RYR1: variants seen among roughly 807,000 people sequenced by gnomAD.
The protein encoded by RYR1 is central core disease of muscle.
Under a neutral mutation model 583.5 loss-of-function variants are expected in RYR1, and 342 were observed. The ratio of observed to expected loss-of-function variants is 0.59; its 90% CI spans 0.54 to 0.64. RYR1 has a LOEUF of 0.64. Among genes scored for constraint, RYR1 ranks in the 30% least tolerant of loss-of-function variants. The pLI, the probability that RYR1 is intolerant of heterozygous loss-of-function variation, is 0.00. For missense variants in RYR1, 6,032 were observed against 6,917.2 expected, an observed-to-expected ratio of 0.87 and a Z score of 4.54; for synonymous variants, 2,791 against 2,822.5, an observed-to-expected ratio of 0.99 and a Z score of 0.35.
chr19:38,487,762 T>C (rs996246440), intron 34 of RYR1, among the ~76,000 whole-genome samples: 17 of 152,114 alleles, frequency 1.1e-4, no homozygotes, highest in Non-Finnish European at 4.4e-5. Context: ...GCCTCCTGAA[T>C]AGCTGGGACT....
At chr19:38,535,028 G>C in intron 79 of RYR1, 113 bp from the exon 80 acceptor site, 1 of 1,160,068 alleles carries the variant, frequency 8.6e-7, no homozygotes, top group South Asian at 1.3e-5. Context: ...TGCACACCTT[G>C]GCACACTCTT....
chr19:38,557,998 C>A (rs2960322), intron 89 of RYR1, among the ~76,000 whole-genome samples: 38,137 of 151,540 alleles, frequency 0.25, 5,652 homozygotes, highest in African/African-American at 0.39. Flanking sequence ...TAAAATAATA[C>A]AATAAAATAT....
chr19:38,563,668 C>A (rs1433259501), intron 90 of RYR1, among the ~76,000 whole-genome samples: 1 of 152,160 alleles, frequency 6.6e-6, no homozygotes, highest in South Asian at 2.1e-4. Flanking sequence ...CCTATTATGC[C>A]CATTTTACAG....
chr19:38,478,135 T>C lies in RYR1; in HGVS notation c.4454+265T>C, dbSNP rs80306848. 0.092 allele frequency among the ~76,000 whole-genome samples: 14,020 copies of C among 152,032 alleles called. 799 individuals are homozygous for C. Among genetic ancestry groups the C allele is most frequent in the South Asian group, 0.2 (958 of 4,816 alleles). On this transcript the variant is annotated intron_variant, in intron 30 of 105. Coordinates refer to ENST00000359596, the MANE Select transcript of RYR1 (RefSeq NM_000540.3). ...CATTTTCTCCTTTTCCTTCTCATCC[T>C]GTTTCATCTCACCCTTCTCCTTCTC...
At chr19:38,448,207 G>A (rs1966888549) in intron 9 of RYR1, 148 bp from the exon 10 acceptor site, 2 of 877,146 alleles carry the variant, frequency 2.3e-6, no homozygotes, top group Non-Finnish European at 3.5e-6. Context: ...CGAGGTGGGA[G>A]GATTGCTTGA....
At position 38,561,393 on chromosome 19, in the gene RYR1, G is replaced by A. The variant is rs749890987; in HGVS notation, c.12563G>A (p.Arg4188His). The change falls in exon 90 of 106, where the codon CGC becomes CAC. Residue 4188 changes from arginine to histidine, a missense_variant. Transcript: ENST00000359596. The surrounding 1 kb of genome is among the most constrained non-coding windows in gnomAD (Gnocchi z 4.8). ...ATCGAGATCATGGGCGCGTCACGCCGCATCGAGCGCATCTACTTCGAGATC... is the reference window on the plus strand; with the variant it reads ...ATCGAGATCATGGGCGCGTCACGCCACATCGAGCGCATCTACTTCGAGATC... ...GRIEIMGASR[R>H]IERIYFEISE... 7 of 1,612,830 alleles carry A rather than the reference G, an allele frequency of 4.3e-6. No individual in the cohort carries two copies. In the Admixed American group the frequency reaches 8.3e-5, roughly 19 times the overall value.
intron 37 of RYR1, among the ~76,000 whole-genome samples, 155 bp from the exon 38 acceptor site, chr19:38,492,335 A>C (rs1969584942): frequency 6.8e-6 from 1 of 147,826 alleles, no homozygotes; most frequent in South Asian, 2.1e-4. Context: ...ACTGCTCTCC[A>C]CTGCAACAGA....
At chr19:38,487,785 T>C (rs771164284) in intron 34 of RYR1, among the ~76,000 whole-genome samples, 1 of 152,094 alleles carries the variant, frequency 6.6e-6, no homozygotes, top group Non-Finnish European at 1.5e-5. Flanking sequence ...AGGTGTGCAC[T>C]ACCATGCCCA....
Position 38,502,617 on chromosome 19 carries a change from C to T in RYR1, c.7725C>T (p.Arg2575=), listed in dbSNP as rs1020398192. 5.0e-6 allele frequency: 8 copies of T among 1,613,120 alleles called. No homozygotes were observed. Among genetic ancestry groups the T allele is most frequent in the South Asian group, 1.1e-5 (1 of 91,032 alleles). ...CAPLFAGTEH[R]AIMVDSMLHT... is the part of the protein sequence containing the mutation. The stretch of plus-strand genomic sequence containing the variant: ...CGCTCTTTGCGGGCACAGAACACCG[C>T]GCCATCATGGTGGACTCTATGCTGC... The change falls in exon 48 of 106, where the codon CGC becomes CGT. Residue 2575 remains arginine (R), a synonymous_variant. Transcript: ENST00000359596.
Position 38,516,123 on chromosome 19 carries a change from GGCA to G in RYR1, c.9597_9599del (p.Ala3200del). ...CCCTCGGGGAGTGCCTGGCCCGTCTGGCAGCAGCCATGCCGGTGGCGTTCCTGG... is the reference window on the plus strand; with the variant it reads ...CCCTCGGGGAGTGCCTGGCCCGTCTGGCAGCCATGCCGGTGGCGTTCCTGG... On this transcript the variant is annotated inframe_deletion, in exon 65 of 106. Coordinates refer to ENST00000359596, the MANE Select transcript of RYR1 (RefSeq NM_000540.3). The G allele has an allele frequency of 6.5e-7, 1 of 1,550,324 alleles. No individual in the cohort carries two copies. The highest frequency in any genetic ancestry group is 8.7e-7 in the Non-Finnish European group (1 of 1,147,220).
At chr19:38,475,689 T>G (rs1157644942) in intron 29 of RYR1, among the ~76,000 whole-genome samples, 1 of 152,182 alleles carries the variant, frequency 6.6e-6, no homozygotes, top group Non-Finnish European at 1.5e-5. Context: ...CACACTGATA[T>G]AACTCCTGGG....
At chr19:38,446,856 T>C in intron 9 of RYR1, 88 bp downstream of exon 9, 1 of 1,047,614 alleles carries the variant, frequency 9.5e-7, no homozygotes, top group South Asian at 1.4e-5. Context: ...AGGGAAGATC[T>C]GATAAAGAGA....
At position 38,537,076 on chromosome 19, in the gene RYR1, G is replaced by A. The variant is rs943688344; in HGVS notation, c.11608+309G>A. On this transcript the variant is annotated intron_variant, in intron 83 of 105. Coordinates refer to ENST00000359596, the MANE Select transcript of RYR1 (RefSeq NM_000540.3). ...GATCTCTTTCCAGCTGGATATTGTC[G>A]GACTTCCAGACCCAGATTCGCAGTC... 4.5e-5 allele frequency: 23 copies of A among 508,980 alleles called. No homozygotes were observed. The Middle Eastern group carries it at 2.2e-3, about 48-fold the overall frequency. 31.5% of individuals were successfully genotyped at this position (508,980 alleles called of 1,614,324 possible). A position where few individuals can be genotyped will look rare whatever the true frequency, so the allele number is the denominator to read the frequency against.
intron 78 of RYR1, among the ~76,000 whole-genome samples, chr19:38,533,138 C>T (rs556156457): frequency 2.0e-4 from 30 of 152,016 alleles, no homozygotes; most frequent in Non-Finnish European, 3.4e-4. Context: ...GAGGGCTTCT[C>T]GGAGGAGGGG....
intron 38 of RYR1, among the ~76,000 whole-genome samples, 179 bp downstream of exon 38, chr19:38,492,815 T>A (rs1969618131): frequency 6.6e-6 from 1 of 151,796 alleles, no homozygotes; most frequent in Non-Finnish European, 1.5e-5. Context: ...ACGCCTGTAA[T>A]CCCAGCACTT....
intron 73 of RYR1, 123 bp from the exon 74 acceptor site, chr19:38,528,183 T>G: frequency 1.2e-6 from 1 of 816,888 alleles, no homozygotes; most frequent in Non-Finnish European, 2.1e-6. Flanking sequence ...GACAAGGTTT[T>G]CCTTCTGCCG....
chr19:38,499,570 G>A lies in RYR1; in HGVS notation c.7028-65G>A. 4.5e-6 allele frequency: 7 copies of A among 1,563,038 alleles called. No homozygotes were observed. Among genetic ancestry groups the A allele is most frequent in the Non-Finnish European group, 5.2e-6 (6 of 1,153,960 alleles). ...GTTACCCCTGGAGGTGTTGGGTCCT[G>A]GGGCTGCATGGGGAGGTCTCTGATG... On this transcript the variant is annotated intron_variant, in intron 43 of 105. Coordinates refer to ENST00000359596, the MANE Select transcript of RYR1 (RefSeq NM_000540.3). This position sits in a 1 kb window ranked among gnomAD's most constrained non-coding sequence, Gnocchi z 7.3.
At chr19:38,461,372 G>A (rs1468631597) in intron 20 of RYR1, among the ~76,000 whole-genome samples, 1 of 152,140 alleles carries the variant, frequency 6.6e-6, no homozygotes, top group African/African-American at 2.4e-5. Context: ...TTTAACAGAT[G>A]GAGAAACTGA....
In RYR1 at chr19:38,512,739, G is replaced by A. The variant is rs2030078312; in HGVS notation, c.9472+256G>A. On this transcript the variant is annotated intron_variant, in intron 63 of 105. Coordinates refer to ENST00000359596, the MANE Select transcript of RYR1 (RefSeq NM_000540.3). This position sits in a 1 kb window ranked among gnomAD's most constrained non-coding sequence, Gnocchi z 5.1. ...AGCACTTTGGGAGGCTGAGGCAGGA[G>A]GACCGCTTGAGCTCAGGAGTTCAAG... Among the ~76,000 whole-genome samples the A allele has an allele frequency of 6.6e-6, 1 of 151,622 alleles. No individual in the cohort carries two copies. Among genetic ancestry groups the A allele is most frequent in the African/African-American group, 2.4e-5 (1 of 41,248 alleles).
Sources: gnomAD v4.1 joint callset for allele counts (sites outside exome capture counted in the v4.1 genomes callset) on GRCh38, gnomAD v4.1.1 for gene constraint, Gnocchi (gnomAD v3.1) non-coding constraint, MANE v1.5 for transcripts, NCBI Gene and HGNC (gene_info 2026-07-23, HGNC 2026-07-21) for gene names.